Variants in HSPG2 observed in about 807,000 individuals in gnomAD.
HSPG2 encodes basement membrane-specific heparan sulfate proteoglycan core protein.
A neutral mutation model predicts 526.6 loss-of-function variants in HSPG2; 278 were observed. The observed-to-expected ratio is 0.53, with a 90% CI of 0.48 to 0.58. The LOEUF (loss-of-function observed/expected upper bound fraction) is 0.58. Among genes scored for constraint, HSPG2 ranks in the 20% least tolerant of loss-of-function variants. The probability of loss-of-function intolerance (pLI) is 0.00; values close to 1 mark genes in which losing one functional copy is unlikely to be tolerated. For synonymous variants in HSPG2, 2,465 were observed against 2,555.4 expected, an observed-to-expected ratio of 0.96 and a Z score of 1.07; for missense variants, 5,354 against 6,099.5, an observed-to-expected ratio of 0.88 and a Z score of 4.07.
chr1:21,861,894 T>C (rs1356320357), intron 38 of HSPG2, 51 bp from the exon 39 acceptor site: 2 of 1,613,370 alleles, frequency 1.2e-6, no homozygotes, highest in Non-Finnish European at 8.5e-7. Flanking sequence ...ATCTCCATCT[T>C]GCTCCCTTCA....
chr1:21,922,002 G>A (rs905292365), intron 1 of HSPG2, among the ~76,000 whole-genome samples: 5 of 152,208 alleles, frequency 3.3e-5, no homozygotes, highest in African/African-American at 1.2e-4. Flanking sequence ...GGGTGAGGTG[G>A]CAGGTGGGGT....
At chr1:21,908,264 G>A in intron 1 of HSPG2, 1 of 1,028,008 alleles carries the variant, frequency 9.7e-7, no homozygotes, top group Non-Finnish European at 1.5e-6. Context: ...CCCCACAAGT[G>A]TTACCATGGC....
chr1:21,902,217 C>T (rs1006369989), intron 1 of HSPG2, among the ~76,000 whole-genome samples: 13 of 152,168 alleles, frequency 8.5e-5, no homozygotes, highest in Admixed American at 1.3e-4. Context: ...GGCGCCGGGC[C>T]GGAAGGGAGG....
chr1:21,873,571 C>G (rs184050443), intron 29 of HSPG2, 147 bp from the exon 30 acceptor site: 3 of 832,954 alleles, frequency 3.6e-6, no homozygotes, highest in African/African-American at 1.7e-5. Context: ...GGAAACTGGG[C>G]AGAGAAGAGC....
rs190732238 is a variant in HSPG2, at chr1:21,847,760, C to T, written c.7954G>A (p.Val2652Met). The T allele has an allele frequency of 3.4e-4, 547 of 1,613,418 alleles. No individual in the cohort carries two copies. Among genetic ancestry groups the T allele is most frequent in the Non-Finnish European group, 8.6e-5 (101 of 1,179,872 alleles). ...VEGQTLDLNC[V>M]VARQPQAIIT... ...ATAGCCTGGGGCTGCCTGGCGACCA[C>T]GCAGTTCAGATCCAAGGTCTGCCCT... Residue 2652 changes from valine (V) to methionine (M), a missense_variant, in exon 61 of 97, where the codon GTG becomes ATG. Transcript: ENST00000374695. The surrounding 1 kb of genome is among the most constrained non-coding windows in gnomAD (Gnocchi z 4.1).
Position 21,844,210 on chromosome 1 carries a change from C to T in HSPG2, c.8554G>A (p.Gly2852Arg), listed in dbSNP as rs199942544. 242 of 1,613,666 alleles carry T rather than the reference C, an allele frequency of 1.5e-4. No individual in the cohort carries two copies. Among genetic ancestry groups the T allele is most frequent in the African/African-American group, 9.3e-5 (7 of 74,942 alleles). Reference sequence around the variant, plus strand: ...CACGTGACCTGGGCGTGGGCCTGCCCGGGCACCACGCACTTCAGATCCAGG... The same window carrying T: ...CACGTGACCTGGGCGTGGGCCTGCCTGGGCACCACGCACTTCAGATCCAGG... ...QTLDLKCVVP[G>R]QAHAQVTWHK... Residue 2852 changes from glycine (G) to arginine (R), a missense_variant, in exon 65 of 97, where the codon GGG becomes AGG. Transcript: ENST00000374695.
intron 1 of HSPG2, among the ~76,000 whole-genome samples, chr1:21,906,731 T>TGGGGGG (rs1553177636): frequency 2.0e-5 from 1 of 50,702 alleles, no homozygotes; most frequent in Non-Finnish European, 6.5e-5. Context: ...GACTGGGGGG[T>TGGGGGG]GGGGGGGGGT....
At chr1:21,855,983 G>A in intron 44 of HSPG2, 71 bp from the exon 45 acceptor site, 1 of 1,579,106 alleles carries the variant, frequency 6.3e-7, no homozygotes, top group South Asian at 1.1e-5. Context: ...CAGTCCTGCT[G>A]CCTACTTTCT....
intron 1 of HSPG2, among the ~76,000 whole-genome samples, chr1:21,933,897 C>T (rs1644413014): frequency 6.6e-6 from 1 of 152,238 alleles, no homozygotes; most frequent in Admixed American, 6.5e-5. Flanking sequence ...GGGGAGGCTC[C>T]TGCAGTTCAG....
In HSPG2 at chr1:21,843,531, G is replaced by A. The variant is rs149732880; in HGVS notation, c.8617-93C>T. 2.0e-4 allele frequency: 279 copies of A among 1,371,824 alleles called. No individual in the cohort carries two copies. In the African/African-American group the frequency reaches 3.7e-3, roughly 18 times the overall value. 85.0% of individuals were successfully genotyped at this position (1,371,824 alleles called of 1,614,324 possible). On this transcript the variant is annotated intron_variant, in intron 65 of 96. Transcript: ENST00000374695. ...CCACACCCTGGGACTGCCATGCACA[G>A]ATATGTAGGCGCATCCTGTTGGAGG... is the stretch of plus-strand genomic sequence containing the variant.
Position 21,838,819 on chromosome 1 carries a change from G to A in HSPG2, c.10150+6C>T. ...TCCCCTTCCACGCAGAGCCGGGGCT[G>A]CTTACCTTGGACGAGCAGCTGGGCA... On this transcript the variant is annotated splice_donor_region_variant and intron_variant, in intron 74 of 96. Transcript: ENST00000374695. 6.2e-7 allele frequency: 1 copy of A among 1,611,480 alleles called. No homozygotes were observed. Among genetic ancestry groups the A allele is most frequent in the South Asian group, 1.1e-5 (1 of 90,636 alleles).
rs1638240002 is a variant in HSPG2 at position 21,844,243 on chromosome 1, C to T, written c.8521G>A (p.Gly2841Arg). The change falls in exon 65 of 97, where the codon GGG becomes AGG. Residue 2841 changes from glycine (G) to arginine (R), a missense_variant. Coordinates refer to ENST00000374695, the MANE Select transcript of HSPG2 (RefSeq NM_005529.7). Reference protein sequence around the residue: ...IEPSSSRVAEGQTLDLKCVVP... With the variant: ...IEPSSSRVAERQTLDLKCVVP... ...ACGCACTTCAGATCCAGGGTCTGCC[C>T]TTCTGCCACTCGGGAGGAGGAGGGC... 1.2e-6 allele frequency: 2 copies of T among 1,613,748 alleles called. No individual in the cohort carries two copies. The highest frequency in any genetic ancestry group is 1.7e-6 in the Non-Finnish European group (2 of 1,180,018).
Position 21,854,724 on chromosome 1 carries a change from A to G in HSPG2, c.6175T>C (p.Ser2059Pro). 6.2e-7 allele frequency: 1 copy of G among 1,613,636 alleles called. No homozygotes were observed. Among genetic ancestry groups the G allele is most frequent in the East Asian group, 2.2e-5 (1 of 44,862 alleles). ...SPPPVKIESS[S>P]PSVTEGQTLD... ...GTTTGCCCTTCTGTCACAGAAGGCG[A>G]TGAGGACTCAATCTTGACCGGCGGT... Residue 2059 changes from serine (S) to proline (P), a missense_variant, in exon 49 of 97, where the codon TCG (serine) becomes CCG (proline). Coordinates refer to ENST00000374695, the MANE Select transcript of HSPG2 (RefSeq NM_005529.7).
intron 1 of HSPG2, among the ~76,000 whole-genome samples, chr1:21,899,546 C>T (rs1031332861): frequency 2.6e-5 from 4 of 152,076 alleles, no homozygotes; most frequent in African/African-American, 7.2e-5. Flanking sequence ...GAGATTTGAA[C>T]CCTGGTGGTC....
Position 21,872,056 on chromosome 1 carries a change from G to C in HSPG2, c.4221+130C>G. ...GCTGGGGTTCAGACCAATGTCTATG[G>C]GACTGCAAAAGCCACGTGCCTAACC... On this transcript the variant is annotated intron_variant, in intron 33 of 96. Coordinates refer to ENST00000374695, the MANE Select transcript of HSPG2 (RefSeq NM_005529.7). This position sits in a 1 kb window ranked among gnomAD's most constrained non-coding sequence, Gnocchi z 5.5. 1.1e-6 allele frequency: 1 copy of C among 916,872 alleles called. No individual in the cohort carries two copies. Among genetic ancestry groups the C allele is most frequent in the Non-Finnish European group, 1.7e-6 (1 of 577,232 alleles). The allele number at this position is 916,872 out of a possible 1,614,324, so 56.8% of individuals were successfully genotyped here.
At chr1:21,931,193 G>A (rs568379828) in intron 1 of HSPG2, among the ~76,000 whole-genome samples, 2 of 152,150 alleles carry the variant, frequency 1.3e-5, no homozygotes, top group Non-Finnish European at 2.9e-5. Context: ...CCCCCGACCC[G>A]GCCACCCCAG....
In HSPG2 at chr1:21,855,599, C is replaced by A; in HGVS notation, c.5778G>T (p.Thr1926=). ...GILRLPAVEP[T]DQAQYLCRAH... Reference sequence around the variant, plus strand: ...CTCGGCACAAGTACTGGGCCTGATCCGTGGGCTCGACAGCTGGCAGGCGCA... The same window carrying A: ...CTCGGCACAAGTACTGGGCCTGATCAGTGGGCTCGACAGCTGGCAGGCGCA... The change falls in exon 46 of 97, where the codon ACG becomes ACT. Residue 1926 remains threonine, a synonymous_variant. Transcript: ENST00000374695. The A allele has an allele frequency of 6.3e-7, 1 of 1,585,054 alleles. No homozygotes were observed. The highest frequency in any genetic ancestry group is 2.3e-5 in the East Asian group (1 of 43,708).
rs774547602 is a variant in HSPG2, at chr1:21,855,504, C to A, written c.5854+19G>T. 5.0e-6 allele frequency: 8 copies of A among 1,611,176 alleles called. No homozygotes were observed. The highest frequency in any genetic ancestry group is 6.8e-6 in the Non-Finnish European group (8 of 1,179,404). On this transcript the variant is annotated intron_variant, in intron 46 of 96. Coordinates refer to ENST00000374695, the MANE Select transcript of HSPG2 (RefSeq NM_005529.7). ...GGCTGAGCACACTCCCGGCCCCCAC[C>A]CTGAGCCCGGCCTCTCACCATGCAC...
chr1:21,855,949 G>T, intron 44 of HSPG2, 37 bp from the exon 45 acceptor site: 1 of 1,601,152 alleles, frequency 6.2e-7, no homozygotes. Flanking sequence ...ACTCAGGGTG[G>T]GGAGTGTCGT....
Sources: gnomAD v4.1 joint callset for allele counts (sites outside exome capture counted in the v4.1 genomes callset) on GRCh38, gnomAD v4.1.1 for gene constraint, Gnocchi (gnomAD v3.1) non-coding constraint, MANE v1.5 for transcripts, NCBI Gene and HGNC (gene_info 2026-07-23, HGNC 2026-07-21) for gene names.